The following NLRP8 variants were observed in gnomAD, a reference collection of about 807,000 sequenced individuals.
NLRP8 encodes NACHT, LRR and PYD domains-containing protein 8.
A neutral mutation model predicts 88.7 loss-of-function variants in NLRP8; 86 were observed. That is an observed-to-expected ratio of 0.97 (90% CI 0.81 to 1.16). The LOEUF (loss-of-function observed/expected upper bound fraction) is 1.16. NLRP8 is among the 50% of genes most tolerant of loss of function. The probability of loss-of-function intolerance (pLI) is 0.00; values close to 1 mark genes in which losing one functional copy is unlikely to be tolerated. For synonymous variants in NLRP8, 504 were observed against 494.6 expected (o/e 1.02, Z -0.25); for missense variants, 1,342 against 1,286.5 (o/e 1.04, Z -0.66).
At chr19:55,976,098 T>G in intron 7 of NLRP8, 35 bp from the exon 8 acceptor site, 4 of 1,528,270 alleles carry the variant, frequency 2.6e-6, no homozygotes, top group Non-Finnish European at 3.5e-6. Context: ...TTGTAGTTGT[T>G]GTTGTTGTTG....
chr19:55,952,726 T>C, intron 2 of NLRP8, 114 bp downstream of exon 2: 1 of 783,370 alleles, frequency 1.3e-6, no homozygotes, highest in Non-Finnish European at 2.1e-6. Flanking sequence ...GTGTTTCTTC[T>C]ACAATCAGAA....
chr19:55,948,014 G>T lies in NLRP8; in HGVS notation c.112G>T (p.Glu38Ter). ...CTCTTGCTACCCCGGCTCCCCATGT[G>T]AAAATGGGGTCATGCTGTACATGAG... The change falls in exon 1 of 10, where the codon GAA becomes TAA. Residue 38 changes from glutamate to a stop codon, truncating the protein, a stop_gained. Transcript: ENST00000291971. LOFTEE classifies it high-confidence loss of function. 1 of 1,614,034 alleles carries T rather than the reference G, an allele frequency of 6.2e-7. No homozygotes were observed.
At chr19:55,978,890 C>T (rs897379213) in intron 8 of NLRP8, among the ~76,000 whole-genome samples, 2 of 152,168 alleles carry the variant, frequency 1.3e-5, no homozygotes, top group African/African-American at 4.8e-5. Flanking sequence ...CACCACTGCA[C>T]TCCAGCCTGG....
At chr19:55,974,441 A>T (rs1309021890) in intron 7 of NLRP8, among the ~76,000 whole-genome samples, 1 of 152,064 alleles carries the variant, frequency 6.6e-6, no homozygotes, top group Non-Finnish European at 1.5e-5. Context: ...ATCTTAGTGC[A>T]CCTGAAGGGA....
chr19:55,955,900 T>A lies in NLRP8; in HGVS notation c.1842T>A (p.His614Gln). Residue 614 changes from histidine (H) to glutamine (Q), a missense_variant, in exon 3 of 10, where the codon CAT (histidine) becomes CAA (glutamine). By Grantham distance (24) the His-to-Gln change is conservative. Transcript: ENST00000291971. ...TCCCGCAGTTATTCTACTGTCTGCA[T>A]GAAATCCGGGAGGAAGCCTTTGTAA... 6.2e-7 allele frequency: 1 copy of A among 1,614,174 alleles called. No individual in the cohort carries two copies. The highest frequency in any genetic ancestry group is 8.5e-7 in the Non-Finnish European group (1 of 1,180,016).
At chr19:55,980,126 C>G (rs776046729) in intron 9 of NLRP8, among the ~76,000 whole-genome samples, 26 of 152,184 alleles carry the variant, frequency 1.7e-4, no homozygotes, top group Non-Finnish European at 3.5e-4. Context: ...TTCATTTCTT[C>G]ACCTTTTCTT....
intron 5 of NLRP8, among the ~76,000 whole-genome samples, chr19:55,969,836 G>C (rs1274245281): frequency 6.6e-6 from 1 of 152,136 alleles, no homozygotes; most frequent in African/African-American, 2.4e-5. Flanking sequence ...AGAAAGCTCA[G>C]GTGGCTGGAA....
intron 9 of NLRP8, chr19:55,987,760 C>T: frequency 7.7e-7 from 1 of 1,306,556 alleles, no homozygotes; most frequent in Non-Finnish European, 1.1e-6. Context: ...TTAGGGAAGT[C>T]ACTCATCCTC....
chr19:55,972,114 A>ATTTTTTT (rs60245156), intron 6 of NLRP8, among the ~76,000 whole-genome samples: 1 of 128,308 alleles, frequency 7.8e-6, no homozygotes, highest in Non-Finnish European at 1.6e-5. Context: ...CTATGTTTTA[A>ATTTTTTT]TTTTTTTTTT....
At chr19:55,964,371 G>A (rs544725455) in intron 4 of NLRP8, among the ~76,000 whole-genome samples, 1 of 152,340 alleles carries the variant, frequency 6.6e-6, no homozygotes, top group South Asian at 2.1e-4. Flanking sequence ...GTGAAAGATG[G>A]TGCGACTAGG....
At chr19:55,969,777 A>C (rs1391525279) in intron 5 of NLRP8, among the ~76,000 whole-genome samples, 14 of 152,180 alleles carry the variant, frequency 9.2e-5, no homozygotes, top group African/African-American at 3.4e-4. Flanking sequence ...AACAGAGTTG[A>C]ATGTAGCTTG....
intron 4 of NLRP8, 51 bp from the exon 5 acceptor site, chr19:55,966,162 C>T (rs1177062501): frequency 1.3e-6 from 2 of 1,569,830 alleles, no homozygotes; most frequent in Admixed American, 3.4e-5. Context: ...CCACAGAATT[C>T]TACGACTGTG....
At chr19:55,985,427 C>A (rs1458639599) in intron 9 of NLRP8, among the ~76,000 whole-genome samples, 1 of 152,062 alleles carries the variant, frequency 6.6e-6, no homozygotes, top group African/African-American at 2.4e-5. Context: ...AGAATAGAGT[C>A]CAGAACAGAA....
intron 8 of NLRP8, 152 bp downstream of exon 8, chr19:55,976,455 G>A (rs1329782253): frequency 1.1e-5 from 8 of 736,104 alleles, no homozygotes; most frequent in Middle Eastern, 4.2e-4. Flanking sequence ...CTGAGCCGTG[G>A]TTCTCAAAGT....
intron 7 of NLRP8, among the ~76,000 whole-genome samples, chr19:55,975,878 G>T (rs1275096521): frequency 6.6e-6 from 1 of 152,106 alleles, no homozygotes; most frequent in African/African-American, 2.4e-5. Context: ...TAAAATTGTG[G>T]TGATGATCAT....
chr19:55,970,598 T>C lies in NLRP8; in HGVS notation c.2436T>C (p.Leu812=). 1 of 1,614,114 alleles carries C rather than the reference T, an allele frequency of 6.2e-7. No homozygotes were observed. Residue 812 remains leucine (L), a synonymous_variant, in exon 6 of 10, where the codon CTT becomes CTC. Transcript: ENST00000291971. ...TTTGGACTGATCTTGGCAATAATCTTCAAGGTAACGGGCATCTAAAGACTC... is the reference window on the plus strand; with the variant it reads ...TTTGGACTGATCTTGGCAATAATCTCCAAGGTAACGGGCATCTAAAGACTC...
intron 8 of NLRP8, among the ~76,000 whole-genome samples, chr19:55,976,685 G>GAT (rs1029975599): frequency 1.1e-3 from 57 of 52,388 alleles, no homozygotes; most frequent in African/African-American, 4.1e-3. Flanking sequence ...ACACTTAGGA[G>GAT]ATATATATAT....
At chr19:55,985,781 C>T (rs1304949706) in intron 9 of NLRP8, among the ~76,000 whole-genome samples, 3 of 152,074 alleles carry the variant, frequency 2.0e-5, no homozygotes, top group African/African-American at 4.8e-5. Flanking sequence ...TTTGGGAGGC[C>T]GAGGCGGGTG....
At position 55,988,097 on chromosome 19, in the gene NLRP8, A is replaced by G; in HGVS notation, c.*184A>G. The G allele has an allele frequency of 1.8e-6, 1 of 551,708 alleles. No individual in the cohort carries two copies. Among genetic ancestry groups the G allele is most frequent in the Non-Finnish European group, 3.3e-6 (1 of 303,094 alleles). 34.2% of individuals were successfully genotyped at this position (551,708 alleles called of 1,614,324 possible). On this transcript the variant is annotated 3_prime_UTR_variant, in exon 10 of 10. Transcript: ENST00000291971. ...AGGACGGTGATGCCCTGTGTGTATT[A>G]ATATGCTATGTAAGGCTGGGCGTGG...
Sources: allele counts gnomAD v4.1 joint callset (sites outside exome capture counted in the v4.1 genomes callset), GRCh38; gene constraint gnomAD v4.1.1; transcripts MANE v1.5; gene names NCBI Gene and HGNC (gene_info 2026-07-23, HGNC 2026-07-21).